ZNF260: variants seen among roughly 807,000 people sequenced by gnomAD.
The protein encoded by ZNF260 is zinc finger protein 260, also known as zfp-260.
ZNF260 carries 21 observed loss-of-function variants against 29.3 expected under a neutral mutation model. The observed-to-expected ratio is 0.72, with a 90% confidence interval of 0.51 to 1.03. The LOEUF is 1.03. Among genes scored for constraint, ZNF260 ranks in the 50% least tolerant of loss-of-function variants. The pLI, the probability that ZNF260 is intolerant of heterozygous loss-of-function variation, is 0.00. For synonymous variants in ZNF260, 156 were observed against 156.8 expected, an observed-to-expected ratio of 0.99 and a Z score of 0.04; for missense variants, 465 against 487.8, an observed-to-expected ratio of 0.95 and a Z score of 0.44.
chr19:36,514,823 T>G lies in ZNF260; in HGVS notation c.416A>C (p.Lys139Thr). Residue 139 changes from lysine to threonine, a missense_variant, in exon 3 of 3, where the codon AAG becomes ACG. Physicochemically the swap from Lys to Thr is moderately conservative, Grantham distance 78 (BLOSUM62 -1). Coordinates refer to ENST00000523638, the MANE Select transcript of ZNF260 (RefSeq NM_001166037.2). ...NHTGTKPYACKECGKAFNGKA... is the reference protein window; with the variant it reads ...NHTGTKPYACTECGKAFNGKA... ...GCCGTTAAAGGCTTTGCCACATTCC[T>G]TACATGCATAGGGTTTGGTTCCTGT... 6.2e-7 allele frequency: 1 copy of G among 1,614,058 alleles called. No homozygotes were observed. The highest frequency in any genetic ancestry group is 8.5e-7 in the Non-Finnish European group (1 of 1,180,020).
intron 2 of ZNF260, among the ~76,000 whole-genome samples, chr19:36,521,863 C>A (rs1384673681): frequency 2.0e-5 from 3 of 151,630 alleles, no homozygotes; most frequent in African/African-American, 7.3e-5. Context: ...GTCTGGCCAA[C>A]ATGGTGAAAC....
At chr19:36,527,928 G>T (rs1198112675) in intron 1 of ZNF260, among the ~76,000 whole-genome samples, 1 of 152,034 alleles carries the variant, frequency 6.6e-6, no homozygotes, top group Non-Finnish European at 1.5e-5. Flanking sequence ...AGGCTTAGAG[G>T]TTACTACCTC....
intron 2 of ZNF260, among the ~76,000 whole-genome samples, chr19:36,516,395 A>C (rs574665424): frequency 5.2e-4 from 79 of 152,224 alleles, no homozygotes; most frequent in African/African-American, 1.9e-3. Flanking sequence ...CAGGAGTTTG[A>C]GAGCAGCCTT....
chr19:36,516,718 A>G (rs1013793444), intron 2 of ZNF260, among the ~76,000 whole-genome samples: 2 of 152,108 alleles, frequency 1.3e-5, no homozygotes, highest in Non-Finnish European at 2.9e-5. Flanking sequence ...AGCTGGGACT[A>G]CAGGCGCCCA....
chr19:36,521,711 G>A (rs1185600259), intron 2 of ZNF260, among the ~76,000 whole-genome samples: 4 of 151,348 alleles, frequency 2.6e-5, no homozygotes, highest in African/African-American at 9.7e-5. Flanking sequence ...CCAAGATTGT[G>A]CCACTGCACT....
chr19:36,522,531 G>A (rs1302707971), intron 2 of ZNF260, among the ~76,000 whole-genome samples: 1 of 152,034 alleles, frequency 6.6e-6, no homozygotes, highest in Non-Finnish European at 1.5e-5. Context: ...TCTGGAACAT[G>A]GCCATGTTTA....
rs1293512966 is a variant in ZNF260, at chr19:36,515,417, T to C, written c.-179A>G. The stretch of plus-strand genomic sequence containing the variant: ...CATTGATTACCCTGAGATGAGATGA[T>C]TACAAAAAGGGATAAAATGTAACAT... On this transcript the variant is annotated 5_prime_UTR_variant, in exon 3 of 3. Transcript: ENST00000523638. The C allele has an allele frequency of 2.2e-5, 13 of 584,304 alleles. 1 individual carries two copies. The East Asian group carries it at 3.8e-4, about 17-fold the overall frequency. 36.2% of individuals were successfully genotyped at this position (584,304 alleles called of 1,614,324 possible). A position where few individuals can be genotyped will look rare whatever the true frequency, so the allele number is the denominator to read the frequency against.
chr19:36,526,383 A>G (rs905905046), intron 1 of ZNF260, among the ~76,000 whole-genome samples: 1 of 151,970 alleles, frequency 6.6e-6, no homozygotes, highest in African/African-American at 2.4e-5. Flanking sequence ...TCTACTAAAA[A>G]TAAAAAAATT....
rs1445332088 is a variant in ZNF260 at position 36,514,569 on chromosome 19, C to G, written c.670G>C (p.Gly224Arg). ...HTGEKPYECK[G>R]CGKAFIQKSS... Reference sequence around the variant, plus strand: ...TTCTGAATGAAAGCTTTCCCACACCCTTTACATTCATAAGGTTTCTCTCCA... The same window carrying G: ...TTCTGAATGAAAGCTTTCCCACACCGTTTACATTCATAAGGTTTCTCTCCA... Residue 224 changes from glycine to arginine, a missense_variant, in exon 3 of 3, where the codon GGG becomes CGG. Coordinates refer to ENST00000523638, the MANE Select transcript of ZNF260 (RefSeq NM_001166037.2). 1 of 1,614,086 alleles carries G rather than the reference C, an allele frequency of 6.2e-7. No homozygotes were observed. The highest frequency in any genetic ancestry group is 1.7e-5 in the Admixed American group (1 of 60,012).
intron 2 of ZNF260, among the ~76,000 whole-genome samples, chr19:36,519,831 G>A (rs781681824): frequency 4.6e-5 from 7 of 152,068 alleles, no homozygotes; most frequent in Non-Finnish European, 1.0e-4. Context: ...TGAAGTTTTA[G>A]CATAAAAGCT....
chr19:36,520,983 G>C (rs571132610), intron 2 of ZNF260, among the ~76,000 whole-genome samples: 1 of 151,046 alleles, frequency 6.6e-6, no homozygotes, highest in East Asian at 2.0e-4. Context: ...TCAGAAGGTT[G>C]AGGTAGGAGG....
At chr19:36,522,689 T>C (rs1289428523) in intron 2 of ZNF260, among the ~76,000 whole-genome samples, 1 of 152,168 alleles carries the variant, frequency 6.6e-6, no homozygotes, top group East Asian at 1.9e-4. Flanking sequence ...AGAGTAGCAA[T>C]TCCTCCATCT....
chr19:36,514,850 T>C lies in ZNF260; in HGVS notation c.389A>G (p.His130Arg). ...ACATGCATAGGGTTTGGTTCCTGTA[T>C]GATTTTTCTGGTGTCTGATGATGGT... ...MPTIIRHQKN[H>R]TGTKPYACKE... Residue 130 changes from histidine to arginine, a missense_variant, in exon 3 of 3, where the codon CAT becomes CGT. Physicochemically the swap from His to Arg is conservative, Grantham distance 29 (BLOSUM62 0). Coordinates refer to ENST00000523638, the MANE Select transcript of ZNF260 (RefSeq NM_001166037.2). 1 of 1,614,144 alleles carries C rather than the reference T, an allele frequency of 6.2e-7. No homozygotes were observed. The highest frequency in any genetic ancestry group is 8.5e-7 in the Non-Finnish European group (1 of 1,180,018).
rs1218673495 is a variant in ZNF260 at position 36,514,380 on chromosome 19, GC to G, written c.858del (p.Arg286SerfsTer38). 1 of 1,613,560 alleles carries G rather than the reference GC, an allele frequency of 6.2e-7. No homozygotes were observed. The highest frequency in any genetic ancestry group is 2.2e-5 in the East Asian group (1 of 44,870). ...TGATGTTTAATGAGGTATTGCTTCT[GC>G]CTGAAGATTGTTCCACATTCATTAC... ...YKCNECGTIF[R>X]QKQYLIKHHN... On this transcript the variant is annotated frameshift_variant, in exon 3 of 3. Coordinates refer to ENST00000523638, the MANE Select transcript of ZNF260 (RefSeq NM_001166037.2). LOFTEE classifies it high-confidence loss of function.
At chr19:36,521,998 G>A (rs189630656) in intron 2 of ZNF260, among the ~76,000 whole-genome samples, 25 of 149,058 alleles carry the variant, frequency 1.7e-4, no homozygotes, top group African/African-American at 5.9e-4. Flanking sequence ...GCAGTGAGCC[G>A]AGATCGCGCC....
rs2034440865 is a variant in ZNF260, at chr19:36,510,913, A to G, written c.*3087T>C. ...CTAGTCCTGGTTTGGTCTGAATTTG[A>G]GTCCTAGTTATTCTGGTGACTTCAA... On this transcript the variant is annotated 3_prime_UTR_variant, in exon 3 of 3. Transcript: ENST00000523638. 2.0e-5 allele frequency: 3 copies of G among 152,192 alleles called. 1 individual carries two copies. In the South Asian group the frequency reaches 6.2e-4, roughly 32 times the overall value. 9.4% of individuals were successfully genotyped at this position (152,192 alleles called of 1,614,324 possible).
rs2034513112 is a variant in ZNF260, at chr19:36,514,612, TATA to T, written c.624_626del (p.Ile209del). 1.2e-6 allele frequency: 2 copies of T among 1,613,878 alleles called. No homozygotes were observed. Among genetic ancestry groups the T allele is most frequent in the Admixed American group, 3.3e-5 (2 of 59,988 alleles). Reference sequence around the variant, plus strand: ...TCTCTCCAGTATGGATTCTCTGATGTATAATGAGGTTTTCCTTCTGGCTAAAAG... The same window carrying T: ...TCTCTCCAGTATGGATTCTCTGATGTATGAGGTTTTCCTTCTGGCTAAAAG... On this transcript the variant is annotated inframe_deletion, in exon 3 of 3. Transcript: ENST00000523638.
intron 2 of ZNF260, among the ~76,000 whole-genome samples, chr19:36,516,184 C>A (rs2912434): frequency 0.35 from 53,096 of 152,022 alleles, 9,474 homozygotes; most frequent in African/African-American, 0.41. Context: ...AAAATAGATT[C>A]TTTATCCAAG....
Position 36,515,331 on chromosome 19 carries a change from T to C in ZNF260, c.-93A>G. On this transcript the variant is annotated 5_prime_UTR_variant, in exon 3 of 3. Transcript: ENST00000523638. ...ACATTCACTAAATTCATATGGTGTA[T>C]TTTCAATATTAATTCTCAGGTATCT... The C allele has an allele frequency of 7.8e-7, 1 of 1,282,094 alleles. No homozygotes were observed. Among genetic ancestry groups the C allele is most frequent in the African/African-American group, 1.5e-5 (1 of 66,862 alleles). 79.4% of individuals were successfully genotyped at this position (1,282,094 alleles called of 1,614,324 possible).
Sources: allele counts gnomAD v4.1 joint callset (sites outside exome capture counted in the v4.1 genomes callset), GRCh38; gene constraint gnomAD v4.1.1; transcripts MANE v1.5; gene names NCBI Gene and HGNC (gene_info 2026-07-23, HGNC 2026-07-21).